The following APP variants were observed in gnomAD, a reference collection of about 807,000 sequenced individuals.
The protein encoded by APP is amyloid-beta precursor protein.
In APP, 31 loss-of-function variants were observed where a neutral mutation model predicts 101.4. The observed-to-expected ratio is 0.31, with a 90% CI of 0.23 to 0.41. The LOEUF (loss-of-function observed/expected upper bound fraction) is 0.41. Among genes scored for constraint, APP ranks in the 10% least tolerant of loss-of-function variants. APP has a pLI of 1.00. For synonymous variants in APP, 366 were observed against 364.4 expected (o/e 1.00, Z -0.05); for missense variants, 839 against 1,003.7 (o/e 0.84, Z 2.22).
chr21:26,042,634 G>A (rs2045423588), intron 5 of APP, among the ~76,000 whole-genome samples: 1 of 152,190 alleles, frequency 6.6e-6, no homozygotes, highest in Non-Finnish European at 1.5e-5. Flanking sequence ...TGGCGTGGTG[G>A]CTCATGCCTG....
chr21:25,987,046 T>C (rs761065838), intron 8 of APP, among the ~76,000 whole-genome samples: 3 of 152,242 alleles, frequency 2.0e-5, no homozygotes, highest in Non-Finnish European at 4.4e-5. Context: ...GCTGGGGCAC[T>C]GTAAAGGGTT....
intron 3 of APP, among the ~76,000 whole-genome samples, chr21:26,059,037 C>T (rs943342193): frequency 3.4e-5 from 5 of 148,570 alleles, no homozygotes; most frequent in African/African-American, 7.5e-5. Context: ...GCCGAGATCG[C>T]GCCACTGCAC....
At chr21:25,891,889 AAG>A (rs773042462) in intron 16 of APP, 21 bp from the exon 17 acceptor site, 25 of 1,605,372 alleles carry the variant, frequency 1.6e-5, no homozygotes, top group East Asian at 6.8e-5. Context: ...AATTAAGAAA[AAG>A]AATTTTAATT....
intron 3 of APP, among the ~76,000 whole-genome samples, chr21:26,054,686 G>A (rs1245001397): frequency 7.4e-6 from 1 of 135,602 alleles, no homozygotes; most frequent in Admixed American, 8.1e-5. Flanking sequence ...GATCAGCATA[G>A]TGAAACCATG....
At chr21:25,970,449 T>C (rs2041988054) in intron 11 of APP, among the ~76,000 whole-genome samples, 1 of 152,214 alleles carries the variant, frequency 6.6e-6, no homozygotes, top group African/African-American at 2.4e-5. Flanking sequence ...ATAAAGATTC[T>C]GGTCTCAGCA....
intron 13 of APP, among the ~76,000 whole-genome samples, chr21:25,916,570 C>T (rs1057126231): frequency 8.5e-5 from 13 of 152,186 alleles, no homozygotes; most frequent in African/African-American, 3.1e-4. Context: ...ACCGAAACCA[C>T]ACTTCCACTA....
At position 25,881,746 on chromosome 21, in the gene APP, T is replaced by C; in HGVS notation, c.2237A>G (p.Glu746Gly). The C allele has an allele frequency of 6.2e-7, 1 of 1,613,796 alleles. No individual in the cohort carries two copies. The highest frequency in any genetic ancestry group is 8.5e-7 in the Non-Finnish European group (1 of 1,180,018). The change falls in exon 18 of 18, where the codon GAG becomes GGG. Residue 746 changes from glutamate (E) to glycine (G), a missense_variant. Coordinates refer to ENST00000346798, the MANE Select transcript of APP (RefSeq NM_000484.4). ...CTGCTGCATCTTGGACAGGTGGCGC[T>C]CCTCTGGGGTGACAGCGGCGTCAAC... ...VEVDAAVTPE[E>G]RHLSKMQQNG...
At chr21:25,918,848 GC>G (rs2039494434) in intron 13 of APP, among the ~76,000 whole-genome samples, 1 of 149,496 alleles carries the variant, frequency 6.7e-6, no homozygotes, top group South Asian at 2.2e-4. Context: ...AAACAAAGCA[GC>G]CGGGAAGCTC....
intron 2 of APP, among the ~76,000 whole-genome samples, chr21:26,100,465 A>T (rs2062031318): frequency 1.3e-5 from 2 of 152,238 alleles, no homozygotes; most frequent in Admixed American, 1.3e-4. Context: ...AATGTACCAG[A>T]CCTTCTACCA....
At chr21:25,905,971 G>C (rs916752608) in intron 14 of APP, among the ~76,000 whole-genome samples, 1 of 152,222 alleles carries the variant, frequency 6.6e-6, no homozygotes. Context: ...GGTGCAGGGG[G>C]AAGCTGCTTT....
At chr21:26,168,915 T>A (rs1051372528) in intron 1 of APP, among the ~76,000 whole-genome samples, 3 of 152,158 alleles carry the variant, frequency 2.0e-5, no homozygotes, top group African/African-American at 7.2e-5. Context: ...ACTAATGGTG[T>A]GATAGTCTGT....
At chr21:26,076,946 C>T (rs1448667138) in intron 3 of APP, among the ~76,000 whole-genome samples, 1 of 151,854 alleles carries the variant, frequency 6.6e-6, no homozygotes, top group African/African-American at 2.4e-5. Flanking sequence ...GCCTGTAGTC[C>T]CAGCTACTCA....
chr21:26,035,075 C>G (rs1182991087), intron 5 of APP, among the ~76,000 whole-genome samples: 1 of 151,886 alleles, frequency 6.6e-6, no homozygotes, highest in Non-Finnish European at 1.5e-5. Flanking sequence ...TGCTTGAGTT[C>G]AGGAGTTTGA....
intron 13 of APP, among the ~76,000 whole-genome samples, chr21:25,932,406 T>C (rs1356760750): frequency 6.6e-6 from 1 of 152,160 alleles, no homozygotes; most frequent in African/African-American, 2.4e-5. Context: ...GTACGATCCA[T>C]TCGACATGAT....
At chr21:25,890,792 T>C in intron 17 of APP, among the ~76,000 whole-genome samples, 1 of 151,714 alleles carries the variant, frequency 6.6e-6, no homozygotes, top group South Asian at 2.1e-4. Context: ...CTTGCATAAT[T>C]TGAACCCTTC....
At chr21:26,037,725 C>T (rs1601289376) in intron 5 of APP, among the ~76,000 whole-genome samples, 1 of 152,258 alleles carries the variant, frequency 6.6e-6, no homozygotes, top group Non-Finnish European at 1.5e-5. Flanking sequence ...TTTCATAAAA[C>T]CAAAGTGCTT....
intron 15 of APP, among the ~76,000 whole-genome samples, chr21:25,904,123 A>G (rs1430290792): frequency 6.6e-6 from 1 of 152,220 alleles, no homozygotes; most frequent in Non-Finnish European, 1.5e-5. Context: ...ATAAAGAAGA[A>G]AATAAATATG....
chr21:26,064,948 G>T (rs1308884149), intron 3 of APP, among the ~76,000 whole-genome samples: 2 of 152,192 alleles, frequency 1.3e-5, no homozygotes, highest in Admixed American at 6.5e-5. Context: ...CCACCTCCCG[G>T]GTTCAAGCAA....
At chr21:26,151,661 G>C (rs1358028779) in intron 1 of APP, among the ~76,000 whole-genome samples, 1 of 152,146 alleles carries the variant, frequency 6.6e-6, no homozygotes, top group African/African-American at 2.4e-5. Flanking sequence ...CTAATAAGGA[G>C]TGTGCAACGC....
Sources: gnomAD v4.1 joint callset for allele counts (sites outside exome capture counted in the v4.1 genomes callset) on GRCh38, gnomAD v4.1.1 for gene constraint, MANE v1.5 for transcripts, NCBI Gene and HGNC (gene_info 2026-07-23, HGNC 2026-07-21) for gene names.